Variants in THSD4 observed in about 807,000 individuals in gnomAD.
The protein encoded by THSD4 is thrombospondin type 1 domain containing 4.
In THSD4, 69 loss-of-function variants were observed where a neutral mutation model predicts 119.0. That is an observed-to-expected ratio of 0.58 (90% CI 0.48 to 0.71). THSD4 has a LOEUF of 0.71. Among genes scored for constraint, THSD4 ranks in the 30% least tolerant of loss-of-function variants. The pLI, the probability that THSD4 is intolerant of heterozygous loss-of-function variation, is 0.00. For missense variants in THSD4, 1,393 were observed against 1,391.1 expected (o/e 1.00, Z -0.02); for synonymous variants, 524 against 540.4 (o/e 0.97, Z 0.42).
intron 7 of THSD4, among the ~76,000 whole-genome samples, chr15:71,632,003 T>C (rs1228082072): frequency 6.6e-6 from 1 of 152,224 alleles, no homozygotes; most frequent in Non-Finnish European, 1.5e-5. Context: ...AGAACTAAGC[T>C]ACTTGACCTG....
At chr15:71,675,643 G>A (rs987524885) in intron 8 of THSD4, among the ~76,000 whole-genome samples, 1 of 152,136 alleles carries the variant, frequency 6.6e-6, no homozygotes, top group Non-Finnish European at 1.5e-5. Context: ...TAGATGCTTG[G>A]AATCCTGGGT....
intron 7 of THSD4, among the ~76,000 whole-genome samples, chr15:71,620,526 GC>G (rs1296657499): frequency 6.6e-6 from 1 of 152,118 alleles, no homozygotes; most frequent in Non-Finnish European, 1.5e-5. Context: ...GATCACTTGA[GC>G]CCAGGAATTC....
At chr15:71,144,966 C>T (rs184604273) in intron 2 of THSD4, among the ~76,000 whole-genome samples, 1 of 151,326 alleles carries the variant, frequency 6.6e-6, no homozygotes, top group African/African-American at 2.4e-5. Flanking sequence ...CTAAATGATA[C>T]AGAATTATTT....
intron 6 of THSD4, among the ~76,000 whole-genome samples, chr15:71,398,086 A>C (rs1325351746): frequency 6.6e-6 from 1 of 152,214 alleles, no homozygotes; most frequent in African/African-American, 2.4e-5. Flanking sequence ...CATGTAGTGC[A>C]GAGATAGCAA....
At chr15:71,365,778 G>T (rs1275283168) in intron 6 of THSD4, among the ~76,000 whole-genome samples, 1 of 152,126 alleles carries the variant, frequency 6.6e-6, no homozygotes, top group Non-Finnish European at 1.5e-5. Flanking sequence ...TTTAGTAGGA[G>T]AAGTTATTTC....
chr15:71,527,187 C>T lies in THSD4; in HGVS notation c.1152+115364C>T, dbSNP rs114770859. Reference sequence around the variant, plus strand: ...GCCACCTTGAAAGTAGAGACGGGGCCCTCACCAGACACCAAAGCTGCTGGA... The same window carrying T: ...GCCACCTTGAAAGTAGAGACGGGGCTCTCACCAGACACCAAAGCTGCTGGA... On this transcript the variant is annotated intron_variant, in intron 7 of 17. Coordinates refer to ENST00000261862, the MANE Select transcript of THSD4 (RefSeq NM_024817.3). Among the ~76,000 whole-genome samples, 672 of 152,220 alleles carry T rather than the reference C, an allele frequency of 4.4e-3. 4 individuals carry two copies. Among genetic ancestry groups the T allele is most frequent in the African/African-American group, 0.015 (613 of 41,540 alleles).
At chr15:71,739,010 C>T (rs2053182112) in intron 11 of THSD4, among the ~76,000 whole-genome samples, 1 of 148,000 alleles carries the variant, frequency 6.8e-6, no homozygotes. Flanking sequence ...TCATGTACTT[C>T]AAGATCTAAA....
chr15:71,329,819 G>A (rs998404109), intron 6 of THSD4, among the ~76,000 whole-genome samples: 4 of 152,202 alleles, frequency 2.6e-5, no homozygotes, highest in African/African-American at 7.2e-5. Flanking sequence ...GGTGGCTCAC[G>A]CCTATAATCC....
At chr15:71,379,450 C>CGTTTTTTTTTTTTTTTTTT (rs1566962165) in intron 6 of THSD4, among the ~76,000 whole-genome samples, 2 of 77,562 alleles carry the variant, frequency 2.6e-5, no homozygotes, top group Non-Finnish European at 4.9e-5. Context: ...CAAATGGCTT[C>CGTTTTTTTTTTTTTTTTTT]TTTTTTTTTT....
intron 8 of THSD4, among the ~76,000 whole-genome samples, chr15:71,706,340 A>G (rs1467095988): frequency 6.6e-6 from 1 of 152,044 alleles, no homozygotes; most frequent in Non-Finnish European, 1.5e-5. Flanking sequence ...GCCAGTGAAC[A>G]GGAGGAGGCA....
chr15:71,636,944 G>A (rs1253163493), intron 7 of THSD4, among the ~76,000 whole-genome samples: 4 of 151,684 alleles, frequency 2.6e-5, no homozygotes, highest in Non-Finnish European at 4.4e-5. Flanking sequence ...GAGTGCAGTG[G>A]TGTGATCTCG....
In THSD4 at chr15:71,649,663, C is replaced by T. The variant is rs1369279984; in HGVS notation, c.1153-10867C>T. Among the ~76,000 whole-genome samples, 4 of 152,162 alleles carry T rather than the reference C, an allele frequency of 2.6e-5. No individual in the cohort carries two copies. The East Asian group carries it at 7.7e-4, about 29-fold the overall frequency. On this transcript the variant is annotated intron_variant, in intron 7 of 17. Coordinates refer to ENST00000261862, the MANE Select transcript of THSD4 (RefSeq NM_024817.3). ...TTTTGATTGCTTTTGGCATCTTTGT[C>T]ATGAAATCTTTGCCAGTTCCTATGT...
chr15:71,497,085 A>G (rs1053776441), intron 7 of THSD4, among the ~76,000 whole-genome samples: 3 of 152,180 alleles, frequency 2.0e-5, no homozygotes, highest in Non-Finnish European at 4.4e-5. Context: ...TTGCCAAAGG[A>G]AAGATGTTGT....
intron 7 of THSD4, among the ~76,000 whole-genome samples, chr15:71,542,887 A>C (rs915409151): frequency 2.0e-5 from 3 of 151,700 alleles, no homozygotes; most frequent in African/African-American, 4.8e-5. Context: ...AAAAAAAAAA[A>C]CAAAAAAACA....
chr15:71,405,350 C>G (rs927787361), intron 6 of THSD4, among the ~76,000 whole-genome samples: 2 of 152,152 alleles, frequency 1.3e-5, no homozygotes, highest in African/African-American at 4.8e-5. Flanking sequence ...CATGTGGTAG[C>G]TCTATGTTTA....
chr15:71,340,724 A>G lies in THSD4; in HGVS notation c.1016-70963A>G, dbSNP rs377207223. On this transcript the variant is annotated intron_variant, in intron 6 of 17. Transcript: ENST00000261862. ...GGGTTCAAGCAATTCTCCTGCCTCA[A>G]CCTCCTGAGTAGCTGAGATTACAGG... Among the ~76,000 whole-genome samples the G allele has an allele frequency of 8.7e-4, 132 of 150,896 alleles. 4 individuals carry two copies. In the South Asian group the frequency reaches 0.027, roughly 31 times the overall value.
At chr15:71,587,550 A>C (rs1229081417) in intron 7 of THSD4, among the ~76,000 whole-genome samples, 1 of 113,044 alleles carries the variant, frequency 8.8e-6, no homozygotes, top group East Asian at 2.4e-4. Flanking sequence ...GCATATTCTC[A>C]CTCATAGGTG....
At position 71,748,414 on chromosome 15, in the gene THSD4, G is replaced by A; in HGVS notation, c.2242-7G>A. ...GGTTCCCCTGACGTCAGTGTGCTGT[G>A]TTTCAGTGCTCGGTGCCCTGCGGCG... On this transcript the variant is annotated splice_polypyrimidine_tract_variant and splice_region_variant and intron_variant, in intron 13 of 17. Transcript: ENST00000261862. 6.2e-7 allele frequency: 1 copy of A among 1,614,124 alleles called. No homozygotes were observed. The highest frequency in any genetic ancestry group is 1.1e-5 in the South Asian group (1 of 91,060).
chr15:71,407,694 C>G (rs1234276436), intron 6 of THSD4, among the ~76,000 whole-genome samples: 1 of 151,456 alleles, frequency 6.6e-6, no homozygotes, highest in East Asian at 1.9e-4. Context: ...GTTGTATTAT[C>G]TTTTAAATTC....
Sources: allele counts gnomAD v4.1 joint callset (sites outside exome capture counted in the v4.1 genomes callset), GRCh38; gene constraint gnomAD v4.1.1; transcripts MANE v1.5; gene names NCBI Gene and HGNC (gene_info 2026-07-23, HGNC 2026-07-21).